The following HS3ST4 variants were observed in gnomAD, a reference collection of about 807,000 sequenced individuals.
The protein encoded by HS3ST4 is heparan sulfate-glucosamine 3-sulfotransferase 4.
HS3ST4 carries 17 observed loss-of-function variants against 29.2 expected under a neutral mutation model. The ratio of observed to expected loss-of-function variants is 0.58; its 90% confidence interval spans 0.40 to 0.87. The LOEUF is 0.87. Ranked by LOEUF, HS3ST4 falls within the 40% of genes least tolerant of loss-of-function variation. The pLI, the probability that HS3ST4 is intolerant of heterozygous loss-of-function variation, is 0.00. For missense variants in HS3ST4, 627 were observed against 634.5 expected, an observed-to-expected ratio of 0.99 and a Z score of 0.13; for synonymous variants, 314 against 285.7, an observed-to-expected ratio of 1.10 and a Z score of -1.00.
intron 1 of HS3ST4, among the ~76,000 whole-genome samples, chr16:25,800,102 C>T (rs1966918704): frequency 7.0e-6 from 1 of 142,856 alleles, no homozygotes; most frequent in Non-Finnish European, 1.5e-5. Context: ...GCCTTCCTTC[C>T]TTCCTGCCTT....
intron 1 of HS3ST4, among the ~76,000 whole-genome samples, chr16:25,971,249 T>G (rs182792209): frequency 3.5e-4 from 54 of 152,332 alleles, no homozygotes; most frequent in African/African-American, 1.3e-3. Flanking sequence ...TTACATTCTT[T>G]TGAGCCATAA....
At chr16:25,903,492 T>C (rs1206144968) in intron 1 of HS3ST4, among the ~76,000 whole-genome samples, 2 of 151,868 alleles carry the variant, frequency 1.3e-5, no homozygotes, top group Non-Finnish European at 2.9e-5. Flanking sequence ...TTGATATGGG[T>C]ATGGTTAAAT....
chr16:25,799,882 G>A (rs573910295), intron 1 of HS3ST4, among the ~76,000 whole-genome samples: 1 of 152,116 alleles, frequency 6.6e-6, no homozygotes, highest in African/African-American at 2.4e-5. Context: ...ATCTCACTAT[G>A]TTGGTCAGGC....
intron 1 of HS3ST4, among the ~76,000 whole-genome samples, chr16:26,021,468 G>T (rs1464161717): frequency 6.6e-6 from 1 of 152,080 alleles, no homozygotes; most frequent in Admixed American, 6.5e-5. Context: ...GTAGATATTT[G>T]AGGTAGCAAT....
intron 1 of HS3ST4, among the ~76,000 whole-genome samples, chr16:25,959,160 C>G (rs1165760436): frequency 6.6e-6 from 1 of 152,086 alleles, no homozygotes; most frequent in Admixed American, 6.5e-5. Flanking sequence ...TTGAAGAGTG[C>G]CGGGTGAAGT....
At chr16:25,852,756 G>C (rs1023888194) in intron 1 of HS3ST4, among the ~76,000 whole-genome samples, 5 of 151,754 alleles carry the variant, frequency 3.3e-5, no homozygotes, top group African/African-American at 1.2e-4. Flanking sequence ...TATTTCCCTT[G>C]ATTATTTTGT....
At chr16:25,726,745 A>C (rs1300372065) in intron 1 of HS3ST4, among the ~76,000 whole-genome samples, 3 of 152,214 alleles carry the variant, frequency 2.0e-5, no homozygotes, top group Non-Finnish European at 2.9e-5. Context: ...AAGTGTTTTC[A>C]GCAGTGATTG....
chr16:26,048,417 C>T (rs1898294746), intron 1 of HS3ST4, among the ~76,000 whole-genome samples: 1 of 152,180 alleles, frequency 6.6e-6, no homozygotes, highest in Middle Eastern at 3.2e-3. Flanking sequence ...GGACATAATT[C>T]TTCCTCTAGG....
chr16:25,768,042 A>G (rs1966832376), intron 1 of HS3ST4, among the ~76,000 whole-genome samples: 1 of 151,842 alleles, frequency 6.6e-6, no homozygotes, highest in Non-Finnish European at 1.5e-5. Context: ...CCCATTTTAC[A>G]GGGGGTGGCA....
chr16:25,901,472 A>G (rs532432968), intron 1 of HS3ST4, among the ~76,000 whole-genome samples: 1 of 152,268 alleles, frequency 6.6e-6, no homozygotes, highest in South Asian at 2.1e-4. Flanking sequence ...GGAGTTCAAG[A>G]CCAGCCTGGC....
At chr16:26,066,791 C>A (rs1044391360) in intron 1 of HS3ST4, among the ~76,000 whole-genome samples, 1 of 152,210 alleles carries the variant, frequency 6.6e-6, no homozygotes, top group African/African-American at 2.4e-5. Context: ...AGAATGAGAG[C>A]CTCACTCTAC....
intron 1 of HS3ST4, among the ~76,000 whole-genome samples, chr16:26,003,287 A>T (rs1285475654): frequency 2.0e-5 from 3 of 152,202 alleles, no homozygotes; most frequent in Non-Finnish European, 4.4e-5. Context: ...TAATTATAAT[A>T]CCTACATCAT....
chr16:25,692,322 C>CGGCGGCGGCGGG lies in HS3ST4; in HGVS notation c.-85_-84insGGGCGGCGGCGG, dbSNP rs1966255945. On this transcript the variant is annotated 5_prime_UTR_variant, in exon 1 of 2. Coordinates refer to ENST00000331351, the MANE Select transcript of HS3ST4 (RefSeq NM_006040.3). ...GGCTGGGCAGCGGCGGCGGCGGCGG[C>CGGCGGCGGCGGG]GGCGGCGGCGGCGGCGGGGGCGGCG... The CGGCGGCGGCGGG allele has an allele frequency of 6.6e-6, 1 of 152,418 alleles. No homozygotes were observed. Among genetic ancestry groups the CGGCGGCGGCGGG allele is most frequent in the Non-Finnish European group, 1.3e-5 (1 of 76,512 alleles). The allele number at this position is 152,418 out of a possible 1,614,324, so 9.4% of individuals were successfully genotyped here.
At position 25,779,250 on chromosome 16, in the gene HS3ST4, T is replaced by G. The variant is rs184852895; in HGVS notation, c.734+86099T>G. Among the ~76,000 whole-genome samples, 26 of 152,110 alleles carry G rather than the reference T, an allele frequency of 1.7e-4. 1 individual carries two copies. The East Asian group carries it at 4.8e-3, about 28-fold the overall frequency. ...ACCAAAATCAGGGTGTTACAGGGAG[T>G]AAGATCAATGGAGGCTGGAAGAAAA... On this transcript the variant is annotated intron_variant, in intron 1 of 1. Transcript: ENST00000331351.
In HS3ST4 at chr16:26,125,400, G is replaced by T. The variant is rs115765877; in HGVS notation, c.735-10212G>T. Reference sequence around the variant, plus strand: ...CTCTTGCTTCCGCAGTTCACAATAGGGTTCACACTCCTATGAGAATCTAAT... The same window carrying T: ...CTCTTGCTTCCGCAGTTCACAATAGTGTTCACACTCCTATGAGAATCTAAT... On this transcript the variant is annotated intron_variant, in intron 1 of 1. Coordinates refer to ENST00000331351, the MANE Select transcript of HS3ST4 (RefSeq NM_006040.3). Among the ~76,000 whole-genome samples the T allele has an allele frequency of 4.9e-3, 741 of 152,268 alleles. 5 individuals are homozygous for T. The highest frequency in any genetic ancestry group is 0.017 in the African/African-American group (695 of 41,570).
intron 1 of HS3ST4, among the ~76,000 whole-genome samples, chr16:26,041,359 A>G (rs996284857): frequency 6.6e-6 from 1 of 151,744 alleles, no homozygotes; most frequent in African/African-American, 2.4e-5. Flanking sequence ...TAATAATGAT[A>G]ATAATAATAA....
chr16:25,801,080 G>A (rs1966928580), intron 1 of HS3ST4, among the ~76,000 whole-genome samples: 1 of 152,150 alleles, frequency 6.6e-6, no homozygotes, highest in South Asian at 2.1e-4. Flanking sequence ...TAGGGTTGGG[G>A]TGAGGCCTGA....
intron 1 of HS3ST4, among the ~76,000 whole-genome samples, chr16:26,069,207 C>T (rs1898574202): frequency 6.6e-6 from 1 of 152,218 alleles, no homozygotes; most frequent in Non-Finnish European, 1.5e-5. Flanking sequence ...CTGCCTCAGC[C>T]TCCCAAAGTG....
intron 1 of HS3ST4, among the ~76,000 whole-genome samples, chr16:26,034,036 T>A (rs1211306050): frequency 6.6e-6 from 1 of 152,184 alleles, no homozygotes; most frequent in Admixed American, 6.5e-5. Context: ...TGATCAGGTT[T>A]CAGGCCCTAG....
Sources: allele counts gnomAD v4.1 joint callset (sites outside exome capture counted in the v4.1 genomes callset), GRCh38; gene constraint gnomAD v4.1.1; transcripts MANE v1.5; gene names NCBI Gene and HGNC (gene_info 2026-07-23, HGNC 2026-07-21).